The following NPAS3 variants were observed in gnomAD, a reference collection of about 807,000 sequenced individuals.
NPAS3 encodes the protein neuronal PAS domain-containing protein 3.
Under a neutral mutation model 73.1 loss-of-function variants are expected in NPAS3, and 14 were observed. The observed-to-expected ratio is 0.19, with a 90% CI of 0.13 to 0.30. The LOEUF (loss-of-function observed/expected upper bound fraction) is 0.30, where lower values mean the gene tolerates loss of function less well. Among genes scored for constraint, NPAS3 ranks in the 10% least tolerant of loss-of-function variants. The pLI, the probability that NPAS3 is intolerant of heterozygous loss-of-function variation, is 1.00. For synonymous variants in NPAS3, 620 were observed against 541.5 expected (o/e 1.14, Z -2.01); for missense variants, 1,096 against 1,250.0 (o/e 0.88, Z 1.86).
At chr14:33,733,257 G>GA (rs1281282090) in intron 6 of NPAS3, among the ~76,000 whole-genome samples, 2 of 150,664 alleles carry the variant, frequency 1.3e-5, no homozygotes, top group Non-Finnish European at 2.9e-5. Flanking sequence ...CCACCAGGAT[G>GA]AAAAAAACTG....
rs572171624 is a variant in NPAS3 at position 33,385,627 on chromosome 14, G to A, written c.468+18359G>A. Among the ~76,000 whole-genome samples the A allele has an allele frequency of 4.1e-4, 63 of 152,238 alleles. 1 individual carries two copies. The highest frequency in any genetic ancestry group is 3.6e-3 in the Admixed American group (55 of 15,294). On this transcript the variant is annotated intron_variant, in intron 4 of 11. Transcript: ENST00000356141. ...ACTGAAGTCTAGGCAGTGCCAGTGAGCACATCAGGGTGGCACCAGACTGAT... is the reference window on the plus strand; with the variant it reads ...ACTGAAGTCTAGGCAGTGCCAGTGAACACATCAGGGTGGCACCAGACTGAT...
At chr14:33,090,167 A>G (rs551544657) in intron 2 of NPAS3, among the ~76,000 whole-genome samples, 1 of 152,354 alleles carries the variant, frequency 6.6e-6, no homozygotes, top group Non-Finnish European at 1.5e-5. Context: ...TTAAATGTAA[A>G]TGGACTAAAT....
chr14:33,097,837 A>T (rs914496171), intron 2 of NPAS3, among the ~76,000 whole-genome samples: 2 of 151,914 alleles, frequency 1.3e-5, no homozygotes, highest in Middle Eastern at 3.2e-3. Flanking sequence ...TTTTTTACTA[A>T]TTTTTTTCTA....
intron 4 of NPAS3, among the ~76,000 whole-genome samples, chr14:33,399,011 A>C (rs2047339275): frequency 6.6e-6 from 1 of 152,090 alleles, no homozygotes; most frequent in Admixed American, 6.6e-5. Context: ...CCATTTATTT[A>C]TGAGAACATT....
At chr14:32,935,596 C>T (rs544406240), upstream of NPAS3, among the ~76,000 whole-genome samples, 2 of 152,308 alleles carry the variant, frequency 1.3e-5, no homozygotes, top group African/African-American at 4.8e-5. Context: ...GCATAAGATT[C>T]AGGGATACAA....
intron 2 of NPAS3, among the ~76,000 whole-genome samples, chr14:33,061,671 C>A (rs1311380335): frequency 6.6e-6 from 1 of 152,134 alleles, no homozygotes; most frequent in Non-Finnish European, 1.5e-5. Flanking sequence ...ATTCATTTAA[C>A]AAATATATTT....
intron 4 of NPAS3, among the ~76,000 whole-genome samples, chr14:33,545,656 GC>G (rs2054809728): frequency 1.3e-5 from 2 of 152,214 alleles, no homozygotes; most frequent in South Asian, 4.1e-4. Context: ...GGCCACATAG[GC>G]TCTTTAGCAT....
intron 2 of NPAS3, among the ~76,000 whole-genome samples, chr14:33,182,256 T>G (rs142375752): frequency 1.3e-5 from 2 of 152,326 alleles, no homozygotes; most frequent in East Asian, 3.9e-4. Context: ...ATATTAAAAA[T>G]GCATTTTATA....
At chr14:33,779,615 ATACT>A (rs776918667) in intron 9 of NPAS3, among the ~76,000 whole-genome samples, 2 of 152,250 alleles carry the variant, frequency 1.3e-5, no homozygotes, top group South Asian at 2.1e-4. Flanking sequence ...AGATATACAA[ATACT>A]TACCACTGTG....
intron 4 of NPAS3, among the ~76,000 whole-genome samples, chr14:33,470,683 C>T (rs2050741056): frequency 6.6e-6 from 1 of 152,166 alleles, no homozygotes. Context: ...GATCTTATAC[C>T]AGATGTTAAC....
chr14:33,141,493 C>G, intron 2 of NPAS3, among the ~76,000 whole-genome samples: 1 of 152,164 alleles, frequency 6.6e-6, no homozygotes, highest in East Asian at 1.9e-4. Context: ...ATAGATAATT[C>G]TATGAATCAC....
At chr14:33,479,805 G>A (rs1284388291) in intron 4 of NPAS3, among the ~76,000 whole-genome samples, 3 of 152,006 alleles carry the variant, frequency 2.0e-5, no homozygotes, top group African/African-American at 7.2e-5. Flanking sequence ...AAGGAAATGC[G>A]TTTGTCCTTT....
At chr14:33,596,620 G>A (rs1003785134) in intron 5 of NPAS3, among the ~76,000 whole-genome samples, 2 of 152,188 alleles carry the variant, frequency 1.3e-5, no homozygotes, top group African/African-American at 4.8e-5. Context: ...TCATAAACTA[G>A]ACTTATTCTG....
chr14:33,621,302 T>G (rs1044607234), intron 5 of NPAS3, among the ~76,000 whole-genome samples: 1 of 152,186 alleles, frequency 6.6e-6, no homozygotes, highest in African/African-American at 2.4e-5. Flanking sequence ...ACTTCTAATT[T>G]TTGAACATCT....
rs777136450 is a variant in NPAS3 at position 32,994,630 on chromosome 14, G to GTT, written c.50+55268_50+55269dup. 1.4e-3 allele frequency among the ~76,000 whole-genome samples: 178 copies of GTT among 123,574 alleles called. 9 individuals carry two copies. Among genetic ancestry groups the GTT allele is most frequent in the African/African-American group, 6.1e-3 (170 of 27,894 alleles). 81.1% of individuals were successfully genotyped at this position (123,574 alleles called of 152,430 possible). A position where few individuals can be genotyped will look rare whatever the true frequency, so the allele number is the denominator to read the frequency against. On this transcript the variant is annotated intron_variant, in intron 1 of 11. Transcript: ENST00000356141. ...ATTCTAGTTTTTTGTTTGTTTGTTT[G>GTT]TTTTTGTTTTTTTTTTTTTGAGACA... is the stretch of plus-strand genomic sequence containing the variant.
intron 5 of NPAS3, among the ~76,000 whole-genome samples, chr14:33,584,627 T>C (rs2056796212): frequency 6.6e-6 from 1 of 152,168 alleles, no homozygotes. Context: ...GGAGGAAATA[T>C]TCTGATGAGA....
intron 1 of NPAS3, among the ~76,000 whole-genome samples, chr14:32,967,741 A>G (rs181976068): frequency 2.0e-5 from 3 of 150,760 alleles, no homozygotes; most frequent in African/African-American, 7.3e-5. Context: ...TGTTGGTGGG[A>G]ACAGTACAGC....
intron 9 of NPAS3, among the ~76,000 whole-genome samples, chr14:33,785,041 C>T (rs1027853199): frequency 5.3e-5 from 8 of 151,774 alleles, no homozygotes; most frequent in Non-Finnish European, 1.0e-4. Context: ...TGAGCCACTG[C>T]GCCCAGCCTA....
intron 4 of NPAS3, among the ~76,000 whole-genome samples, chr14:33,378,371 C>G (rs548992851): frequency 6.6e-6 from 1 of 152,284 alleles, no homozygotes; most frequent in East Asian, 1.9e-4. Flanking sequence ...TCACCTCCTT[C>G]ACTCATCACA....
Sources: gnomAD v4.1 joint callset for allele counts (sites outside exome capture counted in the v4.1 genomes callset) on GRCh38, gnomAD v4.1.1 for gene constraint, MANE v1.5 for transcripts, NCBI Gene and HGNC (gene_info 2026-07-23, HGNC 2026-07-21) for gene names.